DPH6: variants seen among roughly 807,000 people sequenced by gnomAD.
DPH6 encodes the protein diphthamine biosynthesis 6.
DPH6 carries 33 observed loss-of-function variants against 38.2 expected under a neutral mutation model. The ratio of observed to expected loss-of-function variants is 0.86; its 90% CI spans 0.65 to 1.15. DPH6 has a LOEUF of 1.15. Among genes scored for constraint, DPH6 ranks in the 50% most tolerant of loss-of-function variants. The probability of loss-of-function intolerance (pLI) is 0.00; values close to 1 mark genes in which losing one functional copy is unlikely to be tolerated. For synonymous variants in DPH6, 108 were observed against 103.0 expected (o/e 1.05, Z -0.30); for missense variants, 325 against 320.0 (o/e 1.02, Z -0.12).
At chr15:35,195,592 G>C in the DPH6 span, among the ~76,000 whole-genome samples, 4 of 152,060 alleles carry the variant, frequency 2.6e-5, no homozygotes, top group Non-Finnish European at 5.9e-5. Flanking sequence ...AGCTTCTTAG[G>C]AGGGGTTGTG....
rs187055893 is a variant in DPH6, at chr15:35,300,840, C to G, written n.200+72681G>C. On this transcript the variant is annotated intron_variant and non_coding_transcript_variant, in intron 3 of 3. Coordinates refer to the DPH6 transcript ENST00000560386. ...GTGCCCCTGTAAGCTTACAGGCACA[C>G]ATGGCATCATCATTATGATGAGTCC... Among the ~76,000 whole-genome samples the G allele has an allele frequency of 2.5e-3, 387 of 152,292 alleles. 2 individuals carry two copies. Among genetic ancestry groups the G allele is most frequent in the South Asian group, 6.4e-3 (31 of 4,830 alleles).
At chr15:35,449,562 AAG>A (rs1418490288) in intron 5 of DPH6, among the ~76,000 whole-genome samples, 1 of 152,164 alleles carries the variant, frequency 6.6e-6, no homozygotes. Context: ...AGAAAATTCA[AAG>A]AGAGAGTGAG....
At chr15:35,451,988 C>A (rs533197882) in intron 4 of DPH6, among the ~76,000 whole-genome samples, 1 of 152,008 alleles carries the variant, frequency 6.6e-6, no homozygotes, top group African/African-American at 2.4e-5. Context: ...CCAGCCTGGG[C>A]GACAGAGCGA....
At chr15:35,478,068 G>C (rs560431340) in intron 3 of DPH6, among the ~76,000 whole-genome samples, 1 of 151,954 alleles carries the variant, frequency 6.6e-6, no homozygotes, top group South Asian at 2.1e-4. Context: ...TAAGGGCTGT[G>C]TCTGATTTCA....
intron 3 of DPH6, among the ~76,000 whole-genome samples, chr15:35,324,335 G>A (rs559290137): frequency 6.6e-6 from 1 of 152,244 alleles, no homozygotes; most frequent in African/African-American, 2.4e-5. Context: ...AATAGAAATT[G>A]CTAACTGGAG....
rs1242948439 is a variant in DPH6 at position 35,545,584 on chromosome 15, G to C, written c.23+535C>G. ...TCCACATCTGTGAAGATGAGGGAGG[G>C]GTGGACTTCTTGGGATGGGCGGAAA... On this transcript the variant is annotated intron_variant, in intron 1 of 8. Coordinates refer to ENST00000256538, the MANE Select transcript of DPH6 (RefSeq NM_080650.4). 2.0e-5 allele frequency among the ~76,000 whole-genome samples: 3 copies of C among 152,190 alleles called. No individual in the cohort carries two copies. In the East Asian group the frequency reaches 5.8e-4, roughly 29 times the overall value.
chr15:35,416,221 C>T (rs140869121), intron 5 of DPH6, among the ~76,000 whole-genome samples: 1 of 151,888 alleles, frequency 6.6e-6, no homozygotes, highest in African/African-American at 2.4e-5. Context: ...CGTCCTGGGT[C>T]GCAGGTTGAA....
At chr15:35,161,171 A>T in the DPH6 span, among the ~76,000 whole-genome samples, 2 of 152,102 alleles carry the variant, frequency 1.3e-5, no homozygotes, top group Admixed American at 1.3e-4. Flanking sequence ...ACAAAACAAC[A>T]ACAACAAAAA....
the DPH6 span, among the ~76,000 whole-genome samples, chr15:35,164,312 C>T: frequency 7.9e-5 from 12 of 151,980 alleles, no homozygotes; most frequent in South Asian, 2.3e-3. Context: ...TTAGACATCA[C>T]AGTGAATCAA....
At chr15:35,470,653 G>T (rs2141125469) in intron 3 of DPH6, among the ~76,000 whole-genome samples, 1 of 152,266 alleles carries the variant, frequency 6.6e-6, no homozygotes, top group South Asian at 2.1e-4. Flanking sequence ...ACTACAGACA[G>T]AATTTGATAG....
rs115192476 is a variant in DPH6, at chr15:35,497,317, T to C, written c.312+40957A>G. Among the ~76,000 whole-genome samples the C allele has an allele frequency of 7.8e-3, 1,190 of 152,296 alleles. 29 individuals are homozygous for C. The highest frequency in any genetic ancestry group is 0.027 in the African/African-American group (1,135 of 41,562). On this transcript the variant is annotated intron_variant, in intron 3 of 8. Transcript: ENST00000256538. ...TATGAGAAATGGGTATTAGTGAACTTATTTTTAAAGTGAAATTTTTATTTG... is the reference window on the plus strand; with the variant it reads ...TATGAGAAATGGGTATTAGTGAACTCATTTTTAAAGTGAAATTTTTATTTG...
chr15:35,425,353 T>G (rs1363133564), intron 5 of DPH6, among the ~76,000 whole-genome samples: 1 of 151,610 alleles, frequency 6.6e-6, no homozygotes, highest in Non-Finnish European at 1.5e-5. Context: ...TTTAATTAAC[T>G]GTTACATATT....
chr15:35,510,898 G>A (rs766808378), intron 3 of DPH6, among the ~76,000 whole-genome samples: 29 of 152,074 alleles, frequency 1.9e-4, no homozygotes, highest in Non-Finnish European at 4.1e-4. Flanking sequence ...GGTTTTAAAA[G>A]AAAATATATG....
chr15:35,307,881 G>A (rs1287159274), intron 3 of DPH6, among the ~76,000 whole-genome samples: 2 of 152,130 alleles, frequency 1.3e-5, no homozygotes, highest in Non-Finnish European at 2.9e-5. Context: ...GTGAATGATG[G>A]TACAAAATAT....
chr15:35,237,123 G>A lies in DPH6; in HGVS notation n.201-16541C>T, dbSNP rs190687417. On this transcript the variant is annotated intron_variant and non_coding_transcript_variant, in intron 3 of 3. Transcript: ENST00000560386. ...GTTTTCCTCTACAATTTTACTTGATGGTAATCTTTACAAAAACCTCTCCCA... is the reference window on the plus strand; with the variant it reads ...GTTTTCCTCTACAATTTTACTTGATAGTAATCTTTACAAAAACCTCTCCCA... The A allele has an allele frequency of 5.1e-4, 298 of 579,360 alleles. 1 individual carries two copies. The highest frequency in any genetic ancestry group is 8.2e-4 in the Non-Finnish European group (267 of 326,218). The allele number at this position is 579,360 out of a possible 1,614,324, so 35.9% of individuals were successfully genotyped here. A position where few individuals can be genotyped will look rare whatever the true frequency, so the allele number is the denominator to read the frequency against.
At chr15:35,489,651 C>T (rs970722924) in intron 3 of DPH6, 10 of 978,890 alleles carry the variant, frequency 1.0e-5, no homozygotes, top group Non-Finnish European at 1.2e-5. Flanking sequence ...TAAAAAAATA[C>T]CCTAAGGCAT....
the DPH6 span, chr15:35,181,715 T>C: frequency 9.4e-4 from 143 of 152,180 alleles, no homozygotes; most frequent in African/African-American, 3.3e-3. Flanking sequence ...GGTTTTACAA[T>C]AGTTCACATA....
At chr15:35,536,154 A>T (rs1212662183) in intron 3 of DPH6, among the ~76,000 whole-genome samples, 1 of 151,834 alleles carries the variant, frequency 6.6e-6, no homozygotes, top group Non-Finnish European at 1.5e-5. Context: ...TTCTAGATTC[A>T]TTTTTTTTCA....
intron 3 of DPH6, among the ~76,000 whole-genome samples, chr15:35,528,843 C>A (rs1181677377): frequency 6.6e-6 from 1 of 152,154 alleles, no homozygotes; most frequent in Non-Finnish European, 1.5e-5. Flanking sequence ...ATAGTTGTCA[C>A]TCATTAAATT....
Sources: allele counts gnomAD v4.1 joint callset (sites outside exome capture counted in the v4.1 genomes callset), GRCh38; gene constraint gnomAD v4.1.1; transcripts MANE v1.5; gene names NCBI Gene and HGNC (gene_info 2026-07-23, HGNC 2026-07-21).